Variants in FGD4 observed in about 807,000 individuals in gnomAD.
FGD4 encodes FYVE, RhoGEF and PH domain-containing protein 4.
A neutral mutation model predicts 102.0 loss-of-function variants in FGD4; 42 were observed. The observed-to-expected ratio is 0.41, with a 90% confidence interval of 0.32 to 0.53. The LOEUF is 0.53. FGD4 is among the 20% of genes least tolerant of loss of function. FGD4 has a pLI of 0.21. For synonymous variants in FGD4, 380 were observed against 375.7 expected (o/e 1.01, Z -0.13); for missense variants, 902 against 1,078.2 (o/e 0.84, Z 2.29).
At chr12:32,522,483 A>T (rs1311018718) in intron 1 of FGD4, among the ~76,000 whole-genome samples, 1 of 152,254 alleles carries the variant, frequency 6.6e-6, no homozygotes, top group Non-Finnish European at 1.5e-5. Flanking sequence ...TCATCAAAAA[A>T]TAGAGAAATG....
intron 14 of FGD4, among the ~76,000 whole-genome samples, chr12:32,632,713 A>ATT (rs372972257): frequency 1.6e-4 from 20 of 123,844 alleles, no homozygotes; most frequent in Middle Eastern, 4.2e-3. Flanking sequence ...TTATTTATTT[A>ATT]TTTTTTTTTT....
intron 5 of FGD4, chr12:32,600,470 ACCT>A: frequency 7.8e-7 from 1 of 1,283,840 alleles, no homozygotes; most frequent in Non-Finnish European, 1.0e-6. Flanking sequence ...GAAGGAATAG[ACCT>A]CCTTCTGCCT....
Position 32,640,946 on chromosome 12 carries a change from A to G in FGD4, c.*413A>G, listed in dbSNP as rs1045558631. On this transcript the variant is annotated 3_prime_UTR_variant, in exon 17 of 17. Coordinates refer to ENST00000534526, the MANE Select transcript of FGD4 (RefSeq NM_001370298.3). ...TTGCCAAAATAGATCCATGGTGAAAAATACAGGGACAGTTGAGGCTATTGT... is the reference window on the plus strand; with the variant it reads ...TTGCCAAAATAGATCCATGGTGAAAGATACAGGGACAGTTGAGGCTATTGT... 3.6e-5 allele frequency: 11 copies of G among 306,846 alleles called. No individual in the cohort carries two copies. The highest frequency in any genetic ancestry group is 6.1e-5 in the Non-Finnish European group (10 of 165,226). 19.0% of individuals were successfully genotyped at this position (306,846 alleles called of 1,614,324 possible).
In FGD4 at chr12:32,487,848, G is replaced by A. The variant is rs988039183; in HGVS notation, c.167-76289G>A. Among the ~76,000 whole-genome samples the A allele has an allele frequency of 3.9e-5, 6 of 152,328 alleles. No individual in the cohort carries two copies. In the South Asian group the frequency reaches 1.2e-3, roughly 32 times the overall value. On this transcript the variant is annotated intron_variant, in intron 1 of 16. Transcript: ENST00000534526. ...TCCCGATAGCTGGGACTATGGGCAAGTTCCACCACACCCGCATTAGCCATT... is the reference window on the plus strand; with the variant it reads ...TCCCGATAGCTGGGACTATGGGCAAATTCCACCACACCCGCATTAGCCATT...
chr12:32,400,081 G>A (rs76471140), intron 1 of FGD4, 122 bp downstream of exon 1: 104,782 of 1,332,732 alleles, frequency 0.079, 4,718 homozygotes, highest in South Asian at 0.13. Context: ...GGTTCGGGAG[G>A]TTCATTGTGG....
intron 2 of FGD4, among the ~76,000 whole-genome samples, chr12:32,568,912 G>A (rs892623084): frequency 6.6e-6 from 1 of 152,046 alleles, no homozygotes; most frequent in Non-Finnish European, 1.5e-5. Context: ...AAATTTGGGT[G>A]TAATAAAACC....
chr12:32,510,764 G>C (rs1037962234), intron 1 of FGD4, among the ~76,000 whole-genome samples: 1 of 152,160 alleles, frequency 6.6e-6, no homozygotes, highest in Non-Finnish European at 1.5e-5. Flanking sequence ...AAATTAGACA[G>C]ATACTTGTAA....
chr12:32,597,647 G>GA (rs201923931), intron 4 of FGD4, among the ~76,000 whole-genome samples: 1,580 of 152,202 alleles, frequency 0.01, 30 homozygotes, highest in African/African-American at 0.036. Flanking sequence ...AGCTAACAAG[G>GA]AAAAAATGTT....
rs913588343 is a variant in FGD4 at position 32,444,493 on chromosome 12, C to T, written c.166+44534C>T. Among the ~76,000 whole-genome samples, 5 of 152,264 alleles carry T rather than the reference C, an allele frequency of 3.3e-5. No individual in the cohort carries two copies. The South Asian group carries it at 1.0e-3, about 32-fold the overall frequency. On this transcript the variant is annotated intron_variant, in intron 1 of 16. Transcript: ENST00000534526. Reference sequence around the variant, plus strand: ...AATCTCGGCTCACCACAATCTCCGTCTCCCGGGTTCAAGTGATTCTCCTGC... The same window carrying T: ...AATCTCGGCTCACCACAATCTCCGTTTCCCGGGTTCAAGTGATTCTCCTGC...
chr12:32,576,850 G>C (rs1946167259), intron 3 of FGD4, among the ~76,000 whole-genome samples: 1 of 152,076 alleles, frequency 6.6e-6, no homozygotes, highest in Non-Finnish European at 1.5e-5. Context: ...TTGTATGTTT[G>C]TGAATGTGAC....
At chr12:32,439,505 G>C (rs752905317) in intron 1 of FGD4, among the ~76,000 whole-genome samples, 16 of 152,072 alleles carry the variant, frequency 1.1e-4, no homozygotes, top group South Asian at 2.1e-4. Context: ...TGGATTATAT[G>C]GCCATTCTAT....
chr12:32,512,338 T>C (rs1939461697), intron 1 of FGD4, among the ~76,000 whole-genome samples: 1 of 152,046 alleles, frequency 6.6e-6, no homozygotes, highest in African/African-American at 2.4e-5. Context: ...TCCCAGCTAC[T>C]TGGGAGACTG....
At chr12:32,624,621 C>T in intron 12 of FGD4, 169 bp downstream of exon 12, 1 of 699,832 alleles carries the variant, frequency 1.4e-6, no homozygotes, top group Non-Finnish European at 2.6e-6. Flanking sequence ...TAGGCGTGCA[C>T]CACCATGTCT....
At chr12:32,636,953 C>T (rs1273192871) in intron 15 of FGD4, among the ~76,000 whole-genome samples, 1 of 149,642 alleles carries the variant, frequency 6.7e-6, no homozygotes, top group Non-Finnish European at 1.5e-5. Context: ...TCACTGCAAT[C>T]TCTGCCTCCC....
At chr12:32,421,095 G>A (rs1021606268) in intron 1 of FGD4, among the ~76,000 whole-genome samples, 1 of 152,082 alleles carries the variant, frequency 6.6e-6, no homozygotes, top group African/African-American at 2.4e-5. Flanking sequence ...GTCAGAAAGT[G>A]GAATTAGGGT....
chr12:32,578,609 T>A (rs73081444), intron 3 of FGD4, among the ~76,000 whole-genome samples: 15,176 of 152,142 alleles, frequency 0.1, 854 homozygotes, highest in Middle Eastern at 0.19. Context: ...TTGGTTGGAT[T>A]GTCTGAGCTC....
Position 32,600,387 on chromosome 12 carries a change from T to G in FGD4, c.1102-891T>G. 3.5e-6 allele frequency: 4 copies of G among 1,150,746 alleles called. No homozygotes were observed. The South Asian group carries it at 5.1e-5, about 15-fold the overall frequency. 71.3% of individuals were successfully genotyped at this position (1,150,746 alleles called of 1,614,324 possible). A position where few individuals can be genotyped will look rare whatever the true frequency, so the allele number is the denominator to read the frequency against. On this transcript the variant is annotated intron_variant, in intron 5 of 16. Coordinates refer to ENST00000534526, the MANE Select transcript of FGD4 (RefSeq NM_001370298.3). Reference sequence around the variant, plus strand: ...TATTGGAGCCTCTAAGGACATAATTTTTTGTTCTTTTTGCCTCTCAAGAAA... The same window carrying G: ...TATTGGAGCCTCTAAGGACATAATTGTTTGTTCTTTTTGCCTCTCAAGAAA...
intron 1 of FGD4, among the ~76,000 whole-genome samples, chr12:32,539,723 G>C (rs958222218): frequency 6.8e-6 from 1 of 148,066 alleles, no homozygotes; most frequent in African/African-American, 2.5e-5. Context: ...AAAAAAAAAA[G>C]TTCCCTTCCC....
At chr12:32,555,667 T>G (rs568010839) in intron 1 of FGD4, among the ~76,000 whole-genome samples, 214 of 149,042 alleles carry the variant, frequency 1.4e-3, no homozygotes, top group African/African-American at 5.0e-3. Context: ...CGCCTCCCGG[T>G]TTCACGCCAT....
Sources: allele counts gnomAD v4.1 joint callset (sites outside exome capture counted in the v4.1 genomes callset), GRCh38; gene constraint gnomAD v4.1.1; transcripts MANE v1.5; gene names NCBI Gene and HGNC (gene_info 2026-07-23, HGNC 2026-07-21).